The following TMTC1 variants were observed in gnomAD, a reference collection of about 807,000 sequenced individuals.
TMTC1 encodes protein O-mannosyl-transferase TMTC1.
Under a neutral mutation model 104.8 loss-of-function variants are expected in TMTC1, and 73 were observed. That is an observed-to-expected ratio of 0.70 (90% CI 0.58 to 0.85). The LOEUF is 0.85. Ranked by LOEUF, TMTC1 falls within the 40% of genes least tolerant of loss-of-function variation. The probability of loss-of-function intolerance (pLI) is 0.00; values close to 1 mark genes in which losing one functional copy is unlikely to be tolerated. For missense variants in TMTC1, 1,035 were observed against 1,096.1 expected (o/e 0.94, Z 0.79); for synonymous variants, 434 against 428.7 (o/e 1.01, Z -0.15).
chr12:29,518,141 T>A (rs971854314), intron 13 of TMTC1, among the ~76,000 whole-genome samples: 1 of 152,230 alleles, frequency 6.6e-6, no homozygotes, highest in Non-Finnish European at 1.5e-5. Context: ...TTTGTTCTCA[T>A]GTGTGCATAG....
chr12:29,710,436 G>C (rs1941869152), intron 5 of TMTC1, among the ~76,000 whole-genome samples: 1 of 151,410 alleles, frequency 6.6e-6, no homozygotes, highest in South Asian at 2.1e-4. Flanking sequence ...CGGATGCCTA[G>C]TATTTGTCAT....
intron 5 of TMTC1, among the ~76,000 whole-genome samples, chr12:29,669,327 A>G (rs1940413716): frequency 1.3e-5 from 2 of 152,234 alleles, no homozygotes; most frequent in Non-Finnish European, 2.9e-5. Flanking sequence ...CCGGGACTTC[A>G]TGGCCCATTG....
At chr12:29,515,652 T>C (rs1228399254) in intron 15 of TMTC1, among the ~76,000 whole-genome samples, 2 of 152,158 alleles carry the variant, frequency 1.3e-5, no homozygotes, top group Admixed American at 6.5e-5. Context: ...AGGTAGCGCT[T>C]CATGATATTC....
rs766308299 is a variant in TMTC1, at chr12:29,506,834, C to G, written c.*12G>C. On this transcript the variant is annotated 3_prime_UTR_variant, in exon 18 of 18. Coordinates refer to ENST00000539277, the MANE Select transcript of TMTC1 (RefSeq NM_001193451.2). ...ACCACATTATCCTATGAGGTTGGGTCAGACGGTGGTGCTATGTTTGATCCT... is the reference window on the plus strand; with the variant it reads ...ACCACATTATCCTATGAGGTTGGGTGAGACGGTGGTGCTATGTTTGATCCT... 2.5e-6 allele frequency: 4 copies of G among 1,613,946 alleles called. No individual in the cohort carries two copies. In the South Asian group the frequency reaches 4.4e-5, roughly 18 times the overall value.
chr12:29,595,720 T>C (rs1290998785), intron 7 of TMTC1, among the ~76,000 whole-genome samples: 1 of 152,244 alleles, frequency 6.6e-6, no homozygotes, highest in African/African-American at 2.4e-5. Flanking sequence ...TTTCTAATCT[T>C]ATCCCATAGT....
intron 6 of TMTC1, among the ~76,000 whole-genome samples, chr12:29,618,868 T>A (rs1056003642): frequency 5.3e-5 from 8 of 152,218 alleles, no homozygotes; most frequent in Non-Finnish European, 1.0e-4. Flanking sequence ...GTTCTAGATG[T>A]TACAAAAATA....
intron 5 of TMTC1, among the ~76,000 whole-genome samples, chr12:29,686,968 A>G (rs1941113713): frequency 6.6e-6 from 1 of 150,998 alleles, no homozygotes; most frequent in Non-Finnish European, 1.5e-5. Context: ...TTTAATACAT[A>G]TGAGTCTATT....
At chr12:29,639,288 A>C (rs1379336038) in intron 5 of TMTC1, among the ~76,000 whole-genome samples, 1 of 152,124 alleles carries the variant, frequency 6.6e-6, no homozygotes, top group African/African-American at 2.4e-5. Flanking sequence ...AGATGAAGGG[A>C]AGACATCCTA....
At chr12:29,778,851 G>GT (rs990613194) in intron 1 of TMTC1, among the ~76,000 whole-genome samples, 1 of 152,088 alleles carries the variant, frequency 6.6e-6, no homozygotes, top group Non-Finnish European at 1.5e-5. Context: ...AATAGCCTAT[G>GT]TAAGTGTGAT....
At chr12:29,687,640 T>G (rs957399350) in intron 5 of TMTC1, among the ~76,000 whole-genome samples, 1 of 152,222 alleles carries the variant, frequency 6.6e-6, no homozygotes, top group Non-Finnish European at 1.5e-5. Context: ...AATGTCCTTG[T>G]GTACTAATTA....
intron 5 of TMTC1, among the ~76,000 whole-genome samples, chr12:29,644,043 TTTATATATAA>T (rs1565734773): frequency 4.8e-5 from 5 of 105,210 alleles, no homozygotes; most frequent in South Asian, 2.7e-4. Flanking sequence ...AAATATATAA[TTTATATATAA>T]ATATAAATAT....
At chr12:29,673,631 A>G (rs898501793) in intron 5 of TMTC1, among the ~76,000 whole-genome samples, 1 of 150,250 alleles carries the variant, frequency 6.7e-6, no homozygotes. Flanking sequence ...ATATTTATTT[A>G]TATTTTACTT....
At chr12:29,552,470 G>A (rs778516546) in intron 10 of TMTC1, among the ~76,000 whole-genome samples, 1 of 152,056 alleles carries the variant, frequency 6.6e-6, no homozygotes, top group African/African-American at 2.4e-5. Context: ...TACATGTATG[G>A]CTCTCATTTC....
chr12:29,617,178 T>G (rs1308928891), intron 6 of TMTC1, among the ~76,000 whole-genome samples: 1 of 151,880 alleles, frequency 6.6e-6, no homozygotes, highest in Non-Finnish European at 1.5e-5. Context: ...GACGGCTCAC[T>G]CCAGTTAGTC....
rs753896376 is a variant in TMTC1 at position 29,536,208 on chromosome 12, C to A, written c.1785+1G>T. The A allele has an allele frequency of 7.5e-6, 12 of 1,594,224 alleles. No homozygotes were observed. Among genetic ancestry groups the A allele is most frequent in the Non-Finnish European group, 1.0e-5 (12 of 1,162,772 alleles). ...AAAAAACTACTGTGTGAAACAATTA[C>A]CTGCTCAGCCAATAACGAAGCTAAG... On this transcript the variant is annotated splice_donor_variant, in intron 11 of 17. Coordinates refer to ENST00000539277, the MANE Select transcript of TMTC1 (RefSeq NM_001193451.2). LOFTEE classifies it high-confidence loss of function.
intron 10 of TMTC1, among the ~76,000 whole-genome samples, chr12:29,536,791 T>C (rs1373161989): frequency 1.8e-5 from 2 of 113,212 alleles, no homozygotes; most frequent in East Asian, 5.2e-4. Flanking sequence ...AACTGCTTAA[T>C]CTTTGGTTTT....
chr12:29,761,375 G>C (rs1160566063), intron 2 of TMTC1, among the ~76,000 whole-genome samples: 1 of 151,988 alleles, frequency 6.6e-6, no homozygotes, highest in Non-Finnish European at 1.5e-5. Context: ...GAGAGAAAGA[G>C]AGGAAGGTGA....
intron 5 of TMTC1, among the ~76,000 whole-genome samples, chr12:29,635,208 C>T (rs1258516591): frequency 1.3e-5 from 2 of 151,138 alleles, no homozygotes; most frequent in Non-Finnish European, 2.9e-5. Context: ...AAAAAAAATG[C>T]CGTTTATCTT....
At chr12:29,694,978 A>T (rs892148483) in intron 5 of TMTC1, among the ~76,000 whole-genome samples, 1 of 152,092 alleles carries the variant, frequency 6.6e-6, no homozygotes, top group African/African-American at 2.4e-5. Context: ...AACCTGCAAC[A>T]ATCTATTTTC....
Sources: allele counts gnomAD v4.1 joint callset (sites outside exome capture counted in the v4.1 genomes callset), GRCh38; gene constraint gnomAD v4.1.1; transcripts MANE v1.5; gene names NCBI Gene and HGNC (gene_info 2026-07-23, HGNC 2026-07-21).